SYNPR: variants seen among roughly 807,000 people sequenced by gnomAD.
SYNPR encodes synaptoporin.
SYNPR carries 23 observed loss-of-function variants against 32.9 expected under a neutral mutation model. That is an observed-to-expected ratio of 0.70 (90% CI 0.50 to 0.99). SYNPR has a LOEUF of 0.99. SYNPR is among the 50% of genes least tolerant of loss of function. SYNPR has a pLI of 0.00. For missense variants in SYNPR, 318 were observed against 349.3 expected (o/e 0.91, Z 0.71); for synonymous variants, 146 against 135.9 (o/e 1.07, Z -0.52).
intron 4 of SYNPR, among the ~76,000 whole-genome samples, chr3:63,595,715 TTTTATATATATA>T (rs1229274465): frequency 4.8e-4 from 22 of 45,766 alleles, no homozygotes; most frequent in African/African-American, 2.0e-3. Flanking sequence ...CTGAATCTTA[TTTTATATATATA>T]TATATATATA....
chr3:63,277,256 T>C (rs1281931918), upstream of SYNPR, among the ~76,000 whole-genome samples: 2 of 152,186 alleles, frequency 1.3e-5, no homozygotes, highest in Non-Finnish European at 2.9e-5. Flanking sequence ...ATATTATTAT[T>C]AACTTATGGG....
At chr3:63,244,825 T>C (rs1003000085) in intron 1 of SYNPR, among the ~76,000 whole-genome samples, 1 of 152,130 alleles carries the variant, frequency 6.6e-6, no homozygotes, top group Admixed American at 6.6e-5. Context: ...GCTTTTCTTA[T>C]TTGTATTCTA....
chr3:63,490,878 C>T (rs1191588954), intron 3 of SYNPR, among the ~76,000 whole-genome samples: 2 of 152,084 alleles, frequency 1.3e-5, no homozygotes, highest in African/African-American at 4.8e-5. Flanking sequence ...TTCTCCATGC[C>T]TCAGCCTCCC....
At chr3:63,433,413 C>T (rs1190341758) in intron 2 of SYNPR, among the ~76,000 whole-genome samples, 4 of 152,154 alleles carry the variant, frequency 2.6e-5, no homozygotes, top group African/African-American at 9.7e-5. Flanking sequence ...AATAGAGGCA[C>T]AGCTGAAGAA....
In SYNPR at chr3:63,394,202, T is replaced by C. The variant is rs909989889; in HGVS notation, c.85-86630T>C. Among the ~76,000 whole-genome samples the C allele has an allele frequency of 4.6e-5, 7 of 152,352 alleles. No homozygotes were observed. The East Asian group carries it at 1.2e-3, about 25-fold the overall frequency. The stretch of plus-strand genomic sequence containing the variant: ...TGAATTCAAATCTTAGCTCTTATCC[T>C]TTCTTACCTATGTGACCTTGAACAA... On this transcript the variant is annotated intron_variant, in intron 2 of 5. Transcript: ENST00000478300.
Position 63,615,591 on chromosome 3 carries a change from A to T in SYNPR, c.*110A>T. 7.2e-7 allele frequency: 1 copy of T among 1,397,102 alleles called. No homozygotes were observed. 86.5% of individuals were successfully genotyped at this position (1,397,102 alleles called of 1,614,324 possible). A position where few individuals can be genotyped will look rare whatever the true frequency, so the allele number is the denominator to read the frequency against. ...TATTAATGCAGAGAGTATTGAATGT[A>T]AATCAGAGCTCTCTAGTCTTCATTA... is the stretch of plus-strand genomic sequence containing the variant. On this transcript the variant is annotated 3_prime_UTR_variant, in exon 6 of 6. Coordinates refer to ENST00000478300, the MANE Select transcript of SYNPR (RefSeq NM_001130003.2).
At chr3:63,427,143 C>T (rs1054975888) in intron 2 of SYNPR, among the ~76,000 whole-genome samples, 1 of 117,794 alleles carries the variant, frequency 8.5e-6, no homozygotes, top group Non-Finnish European at 1.8e-5. Flanking sequence ...TGTTCTTTAT[C>T]TTTAAAAAAA....
intron 3 of SYNPR, among the ~76,000 whole-genome samples, chr3:63,537,993 T>C (rs568819093): frequency 1.2e-4 from 18 of 152,156 alleles, no homozygotes; most frequent in Non-Finnish European, 1.9e-4. Flanking sequence ...TCTATTGCCA[T>C]AGGACATACA....
intron 2 of SYNPR, among the ~76,000 whole-genome samples, chr3:63,337,818 T>A (rs1386392477): frequency 1.3e-5 from 2 of 152,036 alleles, no homozygotes; most frequent in Non-Finnish European, 2.9e-5. Context: ...GGCAAAACTA[T>A]AGAAACCAAA....
At chr3:63,433,621 G>A (rs1017175490) in intron 2 of SYNPR, among the ~76,000 whole-genome samples, 5 of 152,066 alleles carry the variant, frequency 3.3e-5, no homozygotes, top group Non-Finnish European at 5.9e-5. Context: ...AAGTACTTTC[G>A]CATGAGCTGC....
intron 2 of SYNPR, among the ~76,000 whole-genome samples, chr3:63,304,305 C>T (rs145746887): frequency 5.9e-5 from 9 of 151,788 alleles, no homozygotes; most frequent in Non-Finnish European, 1.3e-4. Flanking sequence ...GTAAGACCTT[C>T]AATCACCTTG....
chr3:63,407,173 A>T lies in SYNPR; in HGVS notation c.85-73659A>T, dbSNP rs2088371219. On this transcript the variant is annotated intron_variant, in intron 2 of 5. Transcript: ENST00000478300. Reference sequence around the variant, plus strand: ...TTGCATCTTGATTTTCCGTGGAGAAATCACATAAGCAGTTTAGGACAGCAG... The same window carrying T: ...TTGCATCTTGATTTTCCGTGGAGAATTCACATAAGCAGTTTAGGACAGCAG... Among the ~76,000 whole-genome samples the T allele has an allele frequency of 2.0e-5, 3 of 152,232 alleles. No homozygotes were observed. The South Asian group carries it at 6.2e-4, about 31-fold the overall frequency.
intron 2 of SYNPR, among the ~76,000 whole-genome samples, chr3:63,430,590 T>A (rs1331401624): frequency 6.6e-6 from 1 of 152,154 alleles, no homozygotes; most frequent in African/African-American, 2.4e-5. Context: ...TTAACAGATG[T>A]TTTGCTGAGG....
chr3:63,262,901 C>T (rs1553861837), intron 2 of SYNPR, among the ~76,000 whole-genome samples: 1 of 152,190 alleles, frequency 6.6e-6, no homozygotes, highest in Non-Finnish European at 1.5e-5. Context: ...CTGCAATACA[C>T]CTTCTCTTTT....
At chr3:63,524,870 TGA>T (rs59919433) in intron 3 of SYNPR, among the ~76,000 whole-genome samples, 1,601 of 140,170 alleles carry the variant, frequency 0.011, 10 homozygotes, top group African/African-American at 0.012. Context: ...TGTGTGTGTG[TGA>T]GAGAGAGAGA....
Position 63,616,400 on chromosome 3 carries a change from A to G in SYNPR, c.*919A>G, listed in dbSNP as rs1700279004. The G allele has an allele frequency of 6.6e-6, 1 of 152,330 alleles. No homozygotes were observed. Among genetic ancestry groups the G allele is most frequent in the African/African-American group, 2.4e-5 (1 of 41,442 alleles). 9.4% of individuals were successfully genotyped at this position (152,330 alleles called of 1,614,324 possible). On this transcript the variant is annotated 3_prime_UTR_variant, in exon 6 of 6. Coordinates refer to ENST00000478300, the MANE Select transcript of SYNPR (RefSeq NM_001130003.2). ...GAATAATGGAGATGCAGATATAGAT[A>G]CCATAGTCAAGGTACCGCCTTGCTG...
intron 4 of SYNPR, among the ~76,000 whole-genome samples, chr3:63,597,842 A>G (rs1226116765): frequency 6.6e-5 from 10 of 152,218 alleles, no homozygotes; most frequent in Non-Finnish European, 8.8e-5. Context: ...CAATCCCATA[A>G]GTGGATAGAA....
chr3:63,540,876 ACCT>A (rs1220843020), intron 3 of SYNPR, among the ~76,000 whole-genome samples: 4 of 137,268 alleles, frequency 2.9e-5, no homozygotes, highest in African/African-American at 1.1e-4. Context: ...GTGAAATTTC[ACCT>A]CCTATCACTC....
At chr3:63,492,068 G>T (rs1701266393) in intron 3 of SYNPR, among the ~76,000 whole-genome samples, 1 of 152,140 alleles carries the variant, frequency 6.6e-6, no homozygotes, top group Non-Finnish European at 1.5e-5. Flanking sequence ...AACCAAGGAA[G>T]AGATGCAGCT....
Sources: gnomAD v4.1 joint callset for allele counts (sites outside exome capture counted in the v4.1 genomes callset) on GRCh38, gnomAD v4.1.1 for gene constraint, MANE v1.5 for transcripts, NCBI Gene and HGNC (gene_info 2026-07-23, HGNC 2026-07-21) for gene names.